Variants in CCDC32 observed in about 807,000 individuals in gnomAD.
The protein encoded by CCDC32 is coiled-coil domain-containing protein 32.
CCDC32 carries 9 observed loss-of-function variants against 20.1 expected under a neutral mutation model. The observed-to-expected ratio is 0.45, with a 90% CI of 0.27 to 0.78. The LOEUF (loss-of-function observed/expected upper bound fraction) is 0.78, where lower values mean the gene tolerates loss of function less well. Among genes scored for constraint, CCDC32 ranks in the 30% least tolerant of loss-of-function variants. The probability of loss-of-function intolerance (pLI) is 0.16; values close to 1 mark genes in which losing one functional copy is unlikely to be tolerated. For synonymous variants in CCDC32, 63 were observed against 79.0 expected (o/e 0.80, Z 1.07); for missense variants, 204 against 215.5 (o/e 0.95, Z 0.33).
In CCDC32 at chr15:40,553,486, A is replaced by G. The variant is rs1342025052; in HGVS notation, c.*485T>C. 23 of 986,354 alleles carry G rather than the reference A, an allele frequency of 2.3e-5. No homozygotes were observed. The highest frequency in any genetic ancestry group is 2.8e-5 in the Non-Finnish European group (23 of 830,654). The allele number at this position is 986,354 out of a possible 1,614,324, so 61.1% of individuals were successfully genotyped here. On this transcript the variant is annotated 3_prime_UTR_variant, in exon 4 of 4. Coordinates refer to ENST00000416810, the MANE Select transcript of CCDC32 (RefSeq NM_001080792.4). Reference sequence around the variant, plus strand: ...GATGGGGCTTGGATTCAAGGAGCAGACTTCACTCTTACTGGCCCCACTCAC... The same window carrying G: ...GATGGGGCTTGGATTCAAGGAGCAGGCTTCACTCTTACTGGCCCCACTCAC...
At chr15:40,540,364 CTT>C (rs1889334979) in intron 3 of CCDC32, among the ~76,000 whole-genome samples, 1 of 147,528 alleles carries the variant, frequency 6.8e-6, no homozygotes, top group South Asian at 2.1e-4. Flanking sequence ...TTTTCTTTTT[CTT>C]TTTCTTTTTT....
At chr15:40,539,228 CTGGCTGTTACCA>C in exon 4 of CCDC32, 1 of 1,534,920 alleles carries the variant, frequency 6.5e-7, no homozygotes, top group Non-Finnish European at 8.7e-7. Flanking sequence ...CTGGCCCGCC[CTGGCTGTTACCA>C]TGACGACTGC....
At chr15:40,541,123 G>C (rs1889372924) in intron 3 of CCDC32, among the ~76,000 whole-genome samples, 1 of 152,216 alleles carries the variant, frequency 6.6e-6, no homozygotes, top group African/African-American at 2.4e-5. Context: ...TCTGTGACCA[G>C]CCGCAGCTGC....
downstream of CCDC32, among the ~76,000 whole-genome samples, chr15:40,533,504 G>A (rs956317222): frequency 1.3e-5 from 2 of 151,848 alleles, no homozygotes; most frequent in Admixed American, 1.3e-4. Flanking sequence ...GCACCACCAC[G>A]CCCGGCTAAT....
At chr15:40,535,545 C>T (rs1889072873), downstream of CCDC32, 2 of 985,876 alleles carry the variant, frequency 2.0e-6, no homozygotes, top group Non-Finnish European at 2.4e-6. Context: ...CTTCTCTCCT[C>T]CTCCACTCAG....
At chr15:40,554,749 G>A (rs1890125676) in intron 3 of CCDC32, among the ~76,000 whole-genome samples, 1 of 152,142 alleles carries the variant, frequency 6.6e-6, no homozygotes. Context: ...GTAGGGAGAG[G>A]GGAGATGTAA....
intron 1 of CCDC32, among the ~76,000 whole-genome samples, chr15:40,563,272 A>T (rs1890779222): frequency 2.0e-5 from 3 of 152,188 alleles, no homozygotes. Context: ...CTGAGGTAGG[A>T]GGATCACCTT....
downstream of CCDC32, chr15:40,535,150 C>G: frequency 9.4e-7 from 1 of 1,061,480 alleles, no homozygotes; most frequent in Non-Finnish European, 1.4e-6. Context: ...AGCTGTGCAT[C>G]AGGAAGATTA....
At chr15:40,551,086 T>TA (rs955393923), downstream of CCDC32, among the ~76,000 whole-genome samples, 35 of 152,206 alleles carry the variant, frequency 2.3e-4, no homozygotes, top group Non-Finnish European at 4.4e-4. Context: ...TTTCTTTCTT[T>TA]AAAAAATCCA....
At chr15:40,531,303 C>G (rs1204814715), downstream of CCDC32, 6 of 150,980 alleles carry the variant, frequency 4.0e-5, no homozygotes, top group Non-Finnish European at 7.4e-5. Flanking sequence ...TCACCTATAC[C>G]CCTTAAATTT....
Position 40,546,459 on chromosome 15 carries a change from T to C in CCDC32, c.402-7104A>G, listed in dbSNP as rs150241465. Among the ~76,000 whole-genome samples the C allele has an allele frequency of 4.0e-3, 609 of 150,522 alleles. 3 individuals are homozygous for C. Among genetic ancestry groups the C allele is most frequent in the African/African-American group, 0.014 (578 of 41,012 alleles). On this transcript the variant is annotated intron_variant, in intron 3 of 3. Coordinates refer to the CCDC32 transcript ENST00000558113. ...CTGCCTTGGCCTCCCAAAGTGCTGG[T>C]ATTACAGGCATGAGCCACCACGTCC...
In CCDC32 at chr15:40,553,652, GACTTCTA is replaced by G; in HGVS notation, c.*312_*318del. Reference sequence around the variant, plus strand: ...GTACTTTCACATTTGATCTTTAGCAGACTTCTAACCTGCAGAGACAGAGCTCAGCCAA... The same window carrying G: ...GTACTTTCACATTTGATCTTTAGCAGACCTGCAGAGACAGAGCTCAGCCAA... On this transcript the variant is annotated 3_prime_UTR_variant, in exon 4 of 4. Transcript: ENST00000416810. 9.0e-7 allele frequency: 1 copy of G among 1,107,450 alleles called. No individual in the cohort carries two copies. Among genetic ancestry groups the G allele is most frequent in the Non-Finnish European group, 1.1e-6 (1 of 911,516 alleles). The allele number at this position is 1,107,450 out of a possible 1,614,324, so 68.6% of individuals were successfully genotyped here. A position where few individuals can be genotyped will look rare whatever the true frequency, so the allele number is the denominator to read the frequency against.
chr15:40,553,153 CAG>C lies in CCDC32; in HGVS notation c.*816_*817del, dbSNP rs959875879. ...ACATACTGATCATGAACACAATAAA[CAG>C]GGAGGGAAGCTCGGGCTCAGCCAGG... is the stretch of plus-strand genomic sequence containing the variant. On this transcript the variant is annotated 3_prime_UTR_variant, in exon 4 of 4. Transcript: ENST00000416810. The C allele has an allele frequency of 2.0e-6, 2 of 985,390 alleles. No homozygotes were observed. Among genetic ancestry groups the C allele is most frequent in the African/African-American group, 3.5e-5 (2 of 57,328 alleles). 61.0% of individuals were successfully genotyped at this position (985,390 alleles called of 1,614,324 possible). A position where few individuals can be genotyped will look rare whatever the true frequency, so the allele number is the denominator to read the frequency against.
At chr15:40,535,585 A>G (rs1889074147), downstream of CCDC32, 36 of 983,014 alleles carry the variant, frequency 3.7e-5, no homozygotes, top group Non-Finnish European at 4.3e-5. Context: ...CAGGCACTTC[A>G]TGGTTCTTTA....
At chr15:40,564,279 A>C (rs1890874038) in intron 1 of CCDC32, among the ~76,000 whole-genome samples, 3 of 152,146 alleles carry the variant, frequency 2.0e-5, no homozygotes. Context: ...TCATGCTCTT[A>C]TTTTAATACA....
chr15:40,560,410 A>G (rs1296625826), intron 2 of CCDC32, among the ~76,000 whole-genome samples: 1 of 152,262 alleles, frequency 6.6e-6, no homozygotes, highest in African/African-American at 2.4e-5. Context: ...CAGCAAAAGA[A>G]ATAATCAGAG....
At chr15:40,521,946 C>A in the CCDC32 span, among the ~76,000 whole-genome samples, 1 of 152,074 alleles carries the variant, frequency 6.6e-6, no homozygotes, top group Admixed American at 6.5e-5. Context: ...TTTGAAGCAC[C>A]AAAATTTATA....
chr15:40,543,708 C>T (rs1432214258), intron 3 of CCDC32, among the ~76,000 whole-genome samples: 1 of 152,134 alleles, frequency 6.6e-6, no homozygotes, highest in Non-Finnish European at 1.5e-5. Context: ...CCACCTCAGC[C>T]TCCCAAAGTG....
chr15:40,559,337 A>G (rs1213927374), intron 2 of CCDC32, among the ~76,000 whole-genome samples: 1 of 152,156 alleles, frequency 6.6e-6, no homozygotes, highest in Non-Finnish European at 1.5e-5. Context: ...ACCCTCCCAC[A>G]TCGGCCTCTC....
Sources: gnomAD v4.1 joint callset for allele counts (sites outside exome capture counted in the v4.1 genomes callset) on GRCh38, gnomAD v4.1.1 for gene constraint, MANE v1.5 for transcripts, NCBI Gene and HGNC (gene_info 2026-07-23, HGNC 2026-07-21) for gene names.